C2orf74: variants seen among roughly 807,000 people sequenced by gnomAD.
The protein encoded by C2orf74 is DPM1 ER membrane anchor 1, also known as uncharacterized protein C2orf74.
C2orf74 carries 14 observed loss-of-function variants against 17.9 expected under a neutral mutation model. The observed-to-expected ratio is 0.78, with a 90% confidence interval of 0.52 to 1.22. C2orf74 has a LOEUF of 1.22. Ranked by LOEUF, C2orf74 falls within the 50% of genes most tolerant of loss-of-function variation. The probability of loss-of-function intolerance (pLI) is 0.00; values close to 1 mark genes in which losing one functional copy is unlikely to be tolerated. For synonymous variants in C2orf74, 79 were observed against 72.6 expected, an observed-to-expected ratio of 1.09 and a Z score of -0.44; for missense variants, 217 against 218.4, an observed-to-expected ratio of 0.99 and a Z score of 0.04.
chr2:61,150,998 G>A (rs1191551407), intron 1 of C2orf74, among the ~76,000 whole-genome samples: 2 of 152,078 alleles, frequency 1.3e-5, no homozygotes, highest in Non-Finnish European at 1.5e-5. Context: ...CCCAGGAGGG[G>A]CAGCCTCAGC....
At chr2:61,149,147 A>G (rs76865611) in intron 1 of C2orf74, among the ~76,000 whole-genome samples, 2,973 of 152,268 alleles carry the variant, frequency 0.02, 113 homozygotes, top group African/African-American at 0.067. Context: ...CTAACTACGG[A>G]GACCAAAAAA....
chr2:61,153,765 T>C (rs999519179), intron 1 of C2orf74, among the ~76,000 whole-genome samples: 11 of 151,288 alleles, frequency 7.3e-5, no homozygotes, highest in African/African-American at 2.7e-4. Flanking sequence ...GGTGCACACC[T>C]GTAATCCCAG....
At chr2:61,150,015 G>C (rs757997235) in intron 1 of C2orf74, among the ~76,000 whole-genome samples, 3 of 152,190 alleles carry the variant, frequency 2.0e-5, no homozygotes, top group Non-Finnish European at 4.4e-5. Flanking sequence ...CCCGGGACTA[G>C]GTAGGTGTTA....
At chr2:61,149,030 C>G (rs1334164890) in intron 1 of C2orf74, among the ~76,000 whole-genome samples, 1 of 152,190 alleles carries the variant, frequency 6.6e-6, no homozygotes, top group African/African-American at 2.4e-5. Flanking sequence ...GTTTTCAAAA[C>G]AAACAAGAAG....
intron 1 of C2orf74, among the ~76,000 whole-genome samples, chr2:61,157,122 C>T (rs1161808716): frequency 1.3e-5 from 2 of 152,124 alleles, no homozygotes; most frequent in East Asian, 3.9e-4. Flanking sequence ...TGCAACCTCC[C>T]CTCCGCCTCC....
chr2:61,145,287 ATATC>A (rs1685034774), intron 1 of C2orf74: 1 of 152,248 alleles, frequency 6.6e-6, no homozygotes, highest in Admixed American at 6.5e-5. Context: ...TTCATTTAAA[ATATC>A]TAAGAATTAA....
At chr2:61,146,509 A>G (rs765508077) in intron 1 of C2orf74, among the ~76,000 whole-genome samples, 7 of 152,202 alleles carry the variant, frequency 4.6e-5, no homozygotes, top group Non-Finnish European at 8.8e-5. Flanking sequence ...TAACACTACA[A>G]TAACTTTTTT....
intron 4 of C2orf74, 83 bp downstream of exon 4, chr2:61,163,315 A>G: frequency 5.7e-6 from 8 of 1,411,600 alleles, no homozygotes; most frequent in Non-Finnish European, 5.7e-6. Flanking sequence ...AGGTATAATA[A>G]TAGGAGATGG....
chr2:61,164,643 AT>A lies in C2orf74; in HGVS notation c.*118del. On this transcript the variant is annotated 3_prime_UTR_variant, in exon 5 of 5. Transcript: ENST00000432605. ...AATGGGGAATTAAGCAAATAAAGAT[AT>A]TATTTTACCTTTGTGCAGAAAGGAG... The A allele has an allele frequency of 2.3e-6, 2 of 880,282 alleles. No homozygotes were observed. The highest frequency in any genetic ancestry group is 3.2e-6 in the Non-Finnish European group (2 of 627,016). 54.5% of individuals were successfully genotyped at this position (880,282 alleles called of 1,614,324 possible).
intron 1 of C2orf74, among the ~76,000 whole-genome samples, chr2:61,154,352 G>C (rs1685332909): frequency 6.6e-6 from 1 of 152,124 alleles, no homozygotes; most frequent in Non-Finnish European, 1.5e-5. Context: ...AACAGGGAAA[G>C]TTTGAGAAAT....
chr2:61,148,387 A>C (rs976942722), intron 1 of C2orf74, among the ~76,000 whole-genome samples: 7 of 151,800 alleles, frequency 4.6e-5, no homozygotes, highest in Non-Finnish European at 1.0e-4. Flanking sequence ...GGGTTTCACC[A>C]TGTTGGCCAG....
At chr2:61,163,362 A>G in intron 4 of C2orf74, 130 bp downstream of exon 4, 1 of 995,372 alleles carries the variant, frequency 1.0e-6, no homozygotes, top group Non-Finnish European at 1.4e-6. Flanking sequence ...TAATCCCAGC[A>G]TTTTGGGAGG....
chr2:61,146,190 G>A (rs1419691820), intron 1 of C2orf74, among the ~76,000 whole-genome samples: 2 of 152,202 alleles, frequency 1.3e-5, no homozygotes, highest in Non-Finnish European at 2.9e-5. Context: ...GGAACATTAT[G>A]CAGCTATGAA....
In C2orf74 at chr2:61,162,901, G is replaced by C. The variant is rs1393425871; in HGVS notation, c.155G>C (p.Gly52Ala). The C allele has an allele frequency of 7.1e-6, 11 of 1,552,552 alleles. No individual in the cohort carries two copies. Among genetic ancestry groups the C allele is most frequent in the Non-Finnish European group, 9.6e-6 (11 of 1,147,146 alleles). Reference protein sequence around the residue: ...KKVPCTDANGGVDCAAAKVVT... With the variant: ...KKVPCTDANGAVDCAAAKVVT... ...GTGCCTTGTACAGATGCAAACGGAG[G>C]TGTAGACTGTGCAGCTGCCAAAGTG... Residue 52 changes from glycine to alanine, a missense_variant, in exon 3 of 5, where the codon GGT becomes GCT. By Grantham distance (60) the Gly-to-Ala change is moderately conservative. Coordinates refer to ENST00000432605, the MANE Select transcript of C2orf74 (RefSeq NM_001143959.4).
chr2:61,158,332 G>C (rs1471764370), upstream of C2orf74, among the ~76,000 whole-genome samples: 1 of 152,118 alleles, frequency 6.6e-6, no homozygotes, highest in Admixed American at 6.6e-5. Context: ...AAAGACCTTG[G>C]GGGTAGGAGG....
intron 1 of C2orf74, among the ~76,000 whole-genome samples, chr2:61,152,711 G>T (rs1472267016): frequency 6.6e-6 from 1 of 151,178 alleles, no homozygotes; most frequent in East Asian, 1.9e-4. Context: ...AGCTGGGCGT[G>T]GTGACACATG....
intron 1 of C2orf74, among the ~76,000 whole-genome samples, chr2:61,150,738 G>A (rs1316782842): frequency 1.3e-5 from 2 of 152,168 alleles, no homozygotes; most frequent in Non-Finnish European, 2.9e-5. Context: ...AAGAACTACA[G>A]GAGAGAATAG....
intron 1 of C2orf74, among the ~76,000 whole-genome samples, chr2:61,148,727 GT>G (rs1189658203): frequency 6.6e-6 from 1 of 151,768 alleles, no homozygotes; most frequent in Non-Finnish European, 1.5e-5. Flanking sequence ...CTTGTCTTTT[GT>G]TTTTTTGAGA....
intron 1 of C2orf74, among the ~76,000 whole-genome samples, chr2:61,152,857 A>G (rs1685274580): frequency 6.7e-6 from 1 of 148,636 alleles, no homozygotes; most frequent in Non-Finnish European, 1.5e-5. Context: ...TCACCAAAAA[A>G]AAAAAAAAAA....
Sources: gnomAD v4.1 joint callset for allele counts (sites outside exome capture counted in the v4.1 genomes callset) on GRCh38, gnomAD v4.1.1 for gene constraint, MANE v1.5 for transcripts, NCBI Gene and HGNC (gene_info 2026-07-23, HGNC 2026-07-21) for gene names.